The following CALCR variants were observed in gnomAD, a reference collection of about 807,000 sequenced individuals.
CALCR encodes the protein calcitonin receptor.
Under a neutral mutation model 59.5 loss-of-function variants are expected in CALCR, and 47 were observed. That is an observed-to-expected ratio of 0.79 (90% confidence interval 0.63 to 1.01). The LOEUF (loss-of-function observed/expected upper bound fraction) is 1.01. Among genes scored for constraint, CALCR ranks in the 50% least tolerant of loss-of-function variants. The pLI, the probability that CALCR is intolerant of heterozygous loss-of-function variation, is 0.00. For missense variants in CALCR, 566 were observed against 597.1 expected (o/e 0.95, Z 0.54); for synonymous variants, 213 against 211.3 (o/e 1.01, Z -0.07).
At chr7:93,462,091 GA>G (rs1334409004) in intron 7 of CALCR, 2 of 1,502,474 alleles carry the variant, frequency 1.3e-6, no homozygotes, top group Non-Finnish European at 1.8e-6. Flanking sequence ...CAATTCAAAG[GA>G]AAAATAGTTG....
At chr7:93,466,692 T>C (rs1347547376) in intron 7 of CALCR, among the ~76,000 whole-genome samples, 1 of 151,820 alleles carries the variant, frequency 6.6e-6, no homozygotes, top group East Asian at 1.9e-4. Flanking sequence ...GTTTAGTTGG[T>C]TCTTAGAACT....
intron 2 of CALCR, among the ~76,000 whole-genome samples, chr7:93,521,703 G>A (rs759593076): frequency 3.9e-5 from 6 of 152,044 alleles, no homozygotes; most frequent in Non-Finnish European, 8.8e-5. Context: ...ATTCAGAACT[G>A]TGCAGAATTA....
chr7:93,429,023 G>A (rs1799592770), intron 13 of CALCR, among the ~76,000 whole-genome samples: 1 of 152,164 alleles, frequency 6.6e-6, no homozygotes, highest in African/African-American at 2.4e-5. Context: ...AAAGTACACA[G>A]CCCAGCATGG....
At chr7:93,555,535 C>CA (rs762594963) in intron 2 of CALCR, among the ~76,000 whole-genome samples, 6 of 152,112 alleles carry the variant, frequency 3.9e-5, no homozygotes, top group Non-Finnish European at 7.4e-5. Flanking sequence ...ACAACAACAA[C>CA]AACAACAAAA....
chr7:93,476,084 A>T (rs1800659989), intron 5 of CALCR, among the ~76,000 whole-genome samples: 1 of 149,328 alleles, frequency 6.7e-6, no homozygotes, highest in South Asian at 2.1e-4. Context: ...TAAGCTCACA[A>T]TTTTTTTTTT....
rs781038636 is a variant in CALCR, at chr7:93,443,659, G to A, written c.747C>T (p.Val249=). ...CEGIYLHTLI[V]VAVFTEKQRL... is the part of the protein sequence containing the mutation. ...GTTGCTTCTCAGTAAACACAGCCAC[G>A]ACAATGAGTGTATGAAGATAGATCC... The change falls in exon 9 of 14, where the codon GTC becomes GTT. Residue 249 remains valine, a synonymous_variant. Transcript: ENST00000426151. 7.4e-6 allele frequency: 12 copies of A among 1,613,280 alleles called. No individual in the cohort carries two copies. The highest frequency in any genetic ancestry group is 1.0e-5 in the Non-Finnish European group (12 of 1,179,436).
At chr7:93,530,521 A>G (rs2116130394) in intron 2 of CALCR, among the ~76,000 whole-genome samples, 1 of 152,274 alleles carries the variant, frequency 6.6e-6, no homozygotes, top group Middle Eastern at 3.4e-3. Flanking sequence ...ATAATCTCAA[A>G]TCATCCACAA....
intron 2 of CALCR, among the ~76,000 whole-genome samples, chr7:93,548,522 C>T (rs1204668615): frequency 6.6e-6 from 1 of 152,078 alleles, no homozygotes; most frequent in Non-Finnish European, 1.5e-5. Flanking sequence ...ACTCCAATTT[C>T]ACCTACTTTT....
At chr7:93,456,964 T>C (rs1439027966) in intron 8 of CALCR, among the ~76,000 whole-genome samples, 2 of 152,110 alleles carry the variant, frequency 1.3e-5, no homozygotes, top group African/African-American at 4.8e-5. Flanking sequence ...CACCTGCTTA[T>C]GGGGTTTATT....
chr7:93,534,447 G>C (rs1445638897), intron 2 of CALCR, among the ~76,000 whole-genome samples: 2 of 151,666 alleles, frequency 1.3e-5, no homozygotes, highest in Non-Finnish European at 3.0e-5. Context: ...CGAGTGCATA[G>C]AATTGCTCAA....
intron 2 of CALCR, among the ~76,000 whole-genome samples, chr7:93,524,258 C>T (rs1423239831): frequency 6.6e-6 from 1 of 151,454 alleles, no homozygotes; most frequent in African/African-American, 2.4e-5. Context: ...CAAGCTCCGC[C>T]TCCCTGGTTC....
chr7:93,512,015 C>T (rs1036450223), intron 2 of CALCR, among the ~76,000 whole-genome samples: 1 of 152,096 alleles, frequency 6.6e-6, no homozygotes, highest in African/African-American at 2.4e-5. Context: ...TTAATTTCCT[C>T]CAGTTGGAAT....
At chr7:93,495,776 G>A (rs900050360) in intron 2 of CALCR, 13 of 826,954 alleles carry the variant, frequency 1.6e-5, no homozygotes, top group Non-Finnish European at 2.5e-5. Flanking sequence ...CCAGATCAAT[G>A]TGGAGCCTAA....
intron 5 of CALCR, among the ~76,000 whole-genome samples, chr7:93,474,357 TA>T (rs532849486): frequency 1.6e-3 from 236 of 151,562 alleles, no homozygotes; most frequent in African/African-American, 5.4e-3. Flanking sequence ...CTGGATTGTC[TA>T]AAAAAAACCT....
intron 2 of CALCR, among the ~76,000 whole-genome samples, chr7:93,516,267 A>G (rs1440563471): frequency 6.6e-6 from 1 of 152,120 alleles, no homozygotes; most frequent in East Asian, 1.9e-4. Context: ...GCACAGTTGG[A>G]TGAACCAGAA....
At chr7:93,478,225 A>G (rs144768574) in intron 4 of CALCR, among the ~76,000 whole-genome samples, 1 of 150,204 alleles carries the variant, frequency 6.7e-6, no homozygotes, top group Non-Finnish European at 1.5e-5. Context: ...AAACACTGAA[A>G]TTACTGCAGA....
At chr7:93,440,653 G>A (rs901974915) in intron 9 of CALCR, among the ~76,000 whole-genome samples, 3 of 151,850 alleles carry the variant, frequency 2.0e-5, no homozygotes, top group Non-Finnish European at 2.9e-5. Context: ...GTCCATCTAC[G>A]GAAGTGCAAA....
chr7:93,528,281 A>C (rs1398915324), intron 2 of CALCR, among the ~76,000 whole-genome samples: 3 of 152,188 alleles, frequency 2.0e-5, no homozygotes, highest in South Asian at 4.1e-4. Flanking sequence ...GAGAAATTTA[A>C]AATTTTTTTA....
intron 7 of CALCR, among the ~76,000 whole-genome samples, chr7:93,461,847 A>C (rs1301223796): frequency 6.6e-6 from 1 of 152,156 alleles, no homozygotes; most frequent in African/African-American, 2.4e-5. Context: ...TGCGGTGATT[A>C]TTCTAGACAA....
Sources: gnomAD v4.1 joint callset for allele counts (sites outside exome capture counted in the v4.1 genomes callset) on GRCh38, gnomAD v4.1.1 for gene constraint, MANE v1.5 for transcripts, NCBI Gene and HGNC (gene_info 2026-07-23, HGNC 2026-07-21) for gene names.